NAV2: variants seen among roughly 807,000 people sequenced by gnomAD.
NAV2 encodes the protein helicase, APC down-regulated 1.
Under a neutral mutation model 223.2 loss-of-function variants are expected in NAV2, and 54 were observed. The ratio of observed to expected loss-of-function variants is 0.24; its 90% CI spans 0.19 to 0.30. NAV2 has a LOEUF of 0.30. NAV2 is among the 10% of genes least tolerant of loss of function. NAV2 has a pLI of 1.00. For synonymous variants in NAV2, 1,279 were observed against 1,239.3 expected, an observed-to-expected ratio of 1.03 and a Z score of -0.67; for missense variants, 2,806 against 3,147.5, an observed-to-expected ratio of 0.89 and a Z score of 2.60.
rs73429387 is a variant in NAV2, at chr11:20,083,060, G to A, written c.5379G>A (p.Ala1793=). The change falls in exon 26 of 38, where the codon GCG becomes GCA. Residue 1793 remains alanine (A), a synonymous_variant. Transcript: ENST00000349880. ...AFGKKKSPKS[A]SSHSDIEEMT... ...GGAAGAAGAAGTCCCCAAAATCTGC[G>A]TCCTCTCATTCAGATATTGAGGAGA... The A allele has an allele frequency of 1.1e-3, 1,838 of 1,614,098 alleles. 18 individuals are homozygous for A. In the African/African-American group the frequency reaches 0.021, roughly 18 times the overall value.
intron 3 of NAV2, among the ~76,000 whole-genome samples, chr11:19,857,088 T>C (rs976761947): frequency 6.6e-6 from 1 of 152,258 alleles, no homozygotes; most frequent in African/African-American, 2.4e-5. Flanking sequence ...CCATATTCCT[T>C]TATATCTACT....
chr11:19,383,164 C>T (rs1765562789), intron 1 of NAV2, among the ~76,000 whole-genome samples: 2 of 152,192 alleles, frequency 1.3e-5, no homozygotes, highest in African/African-American at 2.4e-5. Flanking sequence ...TCTCTCTGTC[C>T]TGGCTCACAG....
At chr11:19,948,437 T>C (rs2047110477) in intron 9 of NAV2, among the ~76,000 whole-genome samples, 1 of 152,130 alleles carries the variant, frequency 6.6e-6, no homozygotes, top group Admixed American at 6.5e-5. Context: ...GGTCATTTAA[T>C]TAAAGTAATT....
intron 10 of NAV2, among the ~76,000 whole-genome samples, chr11:19,952,884 T>C (rs1298675675): frequency 1.3e-5 from 2 of 152,208 alleles, no homozygotes; most frequent in Non-Finnish European, 2.9e-5. Context: ...TGTTCTTATA[T>C]TGTGCCTGGT....
At chr11:19,842,729 G>A (rs1413354346) in intron 2 of NAV2, 142 bp from the exon 3 acceptor site, 2 of 633,386 alleles carry the variant, frequency 3.2e-6, no homozygotes, top group Non-Finnish European at 2.8e-6. Flanking sequence ...TGCTAGATGT[G>A]TCTCAGTATT....
chr11:19,957,415 C>T (rs1041011440), intron 10 of NAV2, among the ~76,000 whole-genome samples: 2 of 152,198 alleles, frequency 1.3e-5, no homozygotes, highest in Non-Finnish European at 2.9e-5. Context: ...CAGAGTCATG[C>T]AGAGGGCAAG....
intron 1 of NAV2, among the ~76,000 whole-genome samples, chr11:19,813,656 G>T (rs564880433): frequency 6.6e-6 from 1 of 152,280 alleles, no homozygotes; most frequent in East Asian, 1.9e-4. Flanking sequence ...ACCACAGCGG[G>T]TGCGTGACTT....
chr11:19,536,001 C>T (rs1231948870), intron 1 of NAV2, among the ~76,000 whole-genome samples: 1 of 152,178 alleles, frequency 6.6e-6, no homozygotes, highest in East Asian at 1.9e-4. Context: ...TGGGTCAGCT[C>T]ATAGGCTTCA....
At chr11:19,936,476 C>T (rs1269467628) in intron 7 of NAV2, among the ~76,000 whole-genome samples, 2 of 152,086 alleles carry the variant, frequency 1.3e-5, no homozygotes, top group East Asian at 3.9e-4. Context: ...AAGAGGAAAA[C>T]GTCTATGATG....
intron 1 of NAV2, among the ~76,000 whole-genome samples, chr11:19,645,508 A>T (rs1205056865): frequency 2.0e-5 from 3 of 152,160 alleles, no homozygotes; most frequent in African/African-American, 7.2e-5. Context: ...TAAATTAGTA[A>T]TGTCTGCCCA....
rs756502521 is a variant in NAV2, at chr11:20,103,426, G to A, written c.6572+17G>A. 290 of 1,610,438 alleles carry A rather than the reference G, an allele frequency of 1.8e-4. No individual in the cohort carries two copies. The highest frequency in any genetic ancestry group is 1.9e-4 in the Non-Finnish European group (221 of 1,178,074). ...CCACAAATGGTAAAGGCTGGTTCTGGACCTCATAGCCCCCCGGGAGAGAGT... is the reference window on the plus strand; with the variant it reads ...CCACAAATGGTAAAGGCTGGTTCTGAACCTCATAGCCCCCCGGGAGAGAGT... On this transcript the variant is annotated intron_variant, in intron 33 of 37. Coordinates refer to ENST00000349880, the MANE Select transcript of NAV2 (RefSeq NM_145117.5).
intron 1 of NAV2, among the ~76,000 whole-genome samples, chr11:19,617,257 G>C (rs2046825156): frequency 6.6e-6 from 1 of 152,190 alleles, no homozygotes; most frequent in African/African-American, 2.4e-5. Context: ...CCTATAACTT[G>C]AGGGTAATTT....
intron 2 of NAV2, among the ~76,000 whole-genome samples, chr11:19,842,082 T>A (rs540976990): frequency 6.6e-5 from 10 of 152,194 alleles, no homozygotes; most frequent in Non-Finnish European, 8.8e-5. Flanking sequence ...TGCTACGGCC[T>A]TTCTTGTGCT....
chr11:19,915,068 C>G (rs1448032783), intron 6 of NAV2, among the ~76,000 whole-genome samples: 1 of 152,182 alleles, frequency 6.6e-6, no homozygotes, highest in East Asian at 1.9e-4. Context: ...AGAGCTTTGT[C>G]TTCCACAGTT....
intron 1 of NAV2, among the ~76,000 whole-genome samples, chr11:19,512,477 G>A (rs1321071426): frequency 3.3e-5 from 5 of 152,186 alleles, no homozygotes; most frequent in African/African-American, 1.2e-4. Context: ...GAGGCTAGAT[G>A]ACGGGGAGGG....
At chr11:19,497,952 C>T (rs546953322) in intron 1 of NAV2, among the ~76,000 whole-genome samples, 1 of 152,294 alleles carries the variant, frequency 6.6e-6, no homozygotes, top group African/African-American at 2.4e-5. Context: ...ACTATCAGAG[C>T]TCATTTTGTG....
intron 1 of NAV2, among the ~76,000 whole-genome samples, chr11:19,627,982 G>A (rs569703956): frequency 6.6e-6 from 1 of 151,994 alleles, no homozygotes; most frequent in East Asian, 1.9e-4. Flanking sequence ...CATTCCACAA[G>A]GAGGCATAAA....
intron 1 of NAV2, among the ~76,000 whole-genome samples, chr11:19,474,806 T>G (rs1270773599): frequency 1.3e-5 from 2 of 152,248 alleles, no homozygotes; most frequent in Admixed American, 6.5e-5. Context: ...ATCCTTTATT[T>G]TTATTTCCAG....
intron 1 of NAV2, among the ~76,000 whole-genome samples, chr11:19,704,917 A>G (rs1043105895): frequency 3.3e-5 from 5 of 151,024 alleles, no homozygotes; most frequent in African/African-American, 1.2e-4. Context: ...AGGCTGAGGC[A>G]GGAGAATGGC....
Sources: gnomAD v4.1 joint callset for allele counts (sites outside exome capture counted in the v4.1 genomes callset) on GRCh38, gnomAD v4.1.1 for gene constraint, MANE v1.5 for transcripts, NCBI Gene and HGNC (gene_info 2026-07-23, HGNC 2026-07-21) for gene names.